ARMH4: variants seen among roughly 807,000 people sequenced by gnomAD.
ARMH4 encodes armadillo like helical domain containing 4.
Under a neutral mutation model 61.9 loss-of-function variants are expected in ARMH4, and 49 were observed. The ratio of observed to expected loss-of-function variants is 0.79; its 90% CI spans 0.63 to 1.00. ARMH4 has a LOEUF of 1.00. ARMH4 is among the 50% of genes least tolerant of loss of function. The probability of loss-of-function intolerance (pLI) is 0.00; values close to 1 mark genes in which losing one functional copy is unlikely to be tolerated. For synonymous variants in ARMH4, 368 were observed against 341.5 expected (o/e 1.08, Z -0.85); for missense variants, 934 against 930.0 (o/e 1.00, Z -0.06).
At position 58,060,037 on chromosome 14, in the gene ARMH4, T is replaced by G. The variant is rs1266851307; in HGVS notation, c.2089+36687A>C. Among the ~76,000 whole-genome samples the G allele has an allele frequency of 5.6e-4, 86 of 152,312 alleles. 1 individual carries two copies. The highest frequency in any genetic ancestry group is 1.0e-4 in the Non-Finnish European group (7 of 68,008). On this transcript the variant is annotated intron_variant, in intron 5 of 7. Coordinates refer to ENST00000267485, the MANE Select transcript of ARMH4 (RefSeq NM_001001872.4). ...GACAAACTAAAACACAAAACCACCCTAGAACCTGCAAAAAGGAGAAATGCT... is the reference window on the plus strand; with the variant it reads ...GACAAACTAAAACACAAAACCACCCGAGAACCTGCAAAAAGGAGAAATGCT...
At chr14:58,012,071 G>T in intron 6 of ARMH4, 48 bp downstream of exon 6, 1 of 1,294,004 alleles carries the variant, frequency 7.7e-7, no homozygotes, top group Non-Finnish European at 1.1e-6. Flanking sequence ...GCTTAATAAA[G>T]CTATATGCCC....
intron 5 of ARMH4, among the ~76,000 whole-genome samples, chr14:58,055,876 T>C (rs972603701): frequency 6.6e-6 from 1 of 152,246 alleles, no homozygotes; most frequent in Non-Finnish European, 1.5e-5. Context: ...AAAGTGAATC[T>C]CTAAGGGATT....
intron 4 of ARMH4, among the ~76,000 whole-genome samples, chr14:58,104,260 A>C (rs186344206): frequency 6.6e-6 from 1 of 152,330 alleles, no homozygotes; most frequent in East Asian, 1.9e-4. Context: ...TATACAATTT[A>C]TATTATGGGA....
At chr14:58,082,412 C>T (rs1453407923) in intron 5 of ARMH4, among the ~76,000 whole-genome samples, 1 of 152,196 alleles carries the variant, frequency 6.6e-6, no homozygotes, top group Non-Finnish European at 1.5e-5. Flanking sequence ...TCACTTTGCA[C>T]ACATAGATCT....
chr14:58,132,264 C>T (rs1422038669), intron 3 of ARMH4, among the ~76,000 whole-genome samples: 5 of 152,180 alleles, frequency 3.3e-5, no homozygotes, highest in Non-Finnish European at 7.3e-5. Context: ...GAGATCAGAG[C>T]ATTTGAGAGC....
At chr14:58,145,343 C>A (rs145456739) in intron 1 of ARMH4, among the ~76,000 whole-genome samples, 354 of 152,298 alleles carry the variant, frequency 2.3e-3, no homozygotes, top group African/African-American at 8.2e-3. Context: ...TGATTTTATT[C>A]TCATACCTCA....
At position 58,076,086 on chromosome 14, in the gene ARMH4, AGGAAG is replaced by A. The variant is rs1173142981; in HGVS notation, c.2089+20633_2089+20637del. Among the ~76,000 whole-genome samples the A allele has an allele frequency of 4.3e-4, 53 of 123,694 alleles. No homozygotes were observed. The East Asian group carries it at 0.013, about 30-fold the overall frequency. 81.1% of individuals were successfully genotyped at this position (123,694 alleles called of 152,430 possible). ...GGAAGAAGAAAGGAGGAGAAAGAGG[AGGAAG>A]GGGAGGGGAAGGGGGAGGGGGAAGG... On this transcript the variant is annotated intron_variant, in intron 5 of 7. Transcript: ENST00000267485.
At chr14:58,035,577 C>CA (rs1883449755) in intron 5 of ARMH4, among the ~76,000 whole-genome samples, 1 of 33,738 alleles carries the variant, frequency 3.0e-5, no homozygotes, top group African/African-American at 1.2e-4. Flanking sequence ...AATAGAGACA[C>CA]AAAAAACCCT....
intron 5 of ARMH4, among the ~76,000 whole-genome samples, chr14:58,038,629 T>A (rs1284831132): frequency 6.6e-6 from 1 of 151,870 alleles, no homozygotes; most frequent in East Asian, 1.9e-4. Context: ...GATACAATAG[T>A]AAATATGTCT....
At position 58,002,913 on chromosome 14, in the gene ARMH4, T is replaced by C. The variant is rs908667979; in HGVS notation, c.*1823A>G. ...GTTTCACATATTTGCTTACATCTCTTGGCAAAAAGAGTTAAAATTATTTGA... is the reference window on the plus strand; with the variant it reads ...GTTTCACATATTTGCTTACATCTCTCGGCAAAAAGAGTTAAAATTATTTGA... On this transcript the variant is annotated 3_prime_UTR_variant, in exon 8 of 8. Transcript: ENST00000267485. The C allele has an allele frequency of 2.6e-5, 4 of 152,174 alleles. No homozygotes were observed. The highest frequency in any genetic ancestry group is 2.0e-4 in the Admixed American group (3 of 15,274). The allele number at this position is 152,174 out of a possible 1,614,324, so 9.4% of individuals were successfully genotyped here.
chr14:58,141,573 G>GTGC, intron 1 of ARMH4: 1 of 501,308 alleles, frequency 2.0e-6, no homozygotes, highest in East Asian at 5.1e-5. Context: ...TCTGCTGCAA[G>GTGC]TGCTATGCTT....
intron 4 of ARMH4, among the ~76,000 whole-genome samples, chr14:58,122,579 T>C (rs1301532527): frequency 6.6e-6 from 1 of 152,058 alleles, no homozygotes; most frequent in Non-Finnish European, 1.5e-5. Context: ...CTTGGTTTTC[T>C]ATAATAGAGA....
chr14:58,131,408 A>G (rs1367358773), intron 4 of ARMH4, 104 bp downstream of exon 4: 2 of 904,886 alleles, frequency 2.2e-6, no homozygotes, highest in Non-Finnish European at 3.5e-6. Context: ...CCTCTGATCT[A>G]TACTGCAGAT....
At chr14:58,150,868 A>G (rs551920142) in intron 1 of ARMH4, among the ~76,000 whole-genome samples, 36 of 152,322 alleles carry the variant, frequency 2.4e-4, no homozygotes, top group Admixed American at 1.1e-3. Flanking sequence ...AATAGATGCT[A>G]CTGTGGGGTT....
intron 4 of ARMH4, among the ~76,000 whole-genome samples, chr14:58,130,813 A>G (rs960670642): frequency 6.6e-6 from 1 of 152,220 alleles, no homozygotes; most frequent in Non-Finnish European, 1.5e-5. Flanking sequence ...ATGCTGTTAA[A>G]ATACACCCCA....
chr14:58,026,918 T>C (rs1450889449), intron 5 of ARMH4, among the ~76,000 whole-genome samples: 1 of 152,020 alleles, frequency 6.6e-6, no homozygotes. Context: ...TTAGCTGGAG[T>C]TTCTGACATG....
intron 6 of ARMH4, among the ~76,000 whole-genome samples, chr14:58,007,389 T>G (rs1882218412): frequency 1.3e-5 from 2 of 152,248 alleles, no homozygotes; most frequent in African/African-American, 4.8e-5. Flanking sequence ...GTACTCATCA[T>G]GTACAACATG....
chr14:58,090,950 T>G (rs1451829428), intron 5 of ARMH4, among the ~76,000 whole-genome samples: 1 of 149,306 alleles, frequency 6.7e-6, no homozygotes, highest in Non-Finnish European at 1.5e-5. Context: ...GCACAGTAGC[T>G]CATGCCTGTA....
intron 5 of ARMH4, among the ~76,000 whole-genome samples, chr14:58,016,676 T>G (rs764222540): frequency 2.0e-5 from 3 of 152,212 alleles, no homozygotes; most frequent in Non-Finnish European, 2.9e-5. Context: ...TCCAGTTGGC[T>G]CACAGCTCAG....
Sources: allele counts gnomAD v4.1 joint callset (sites outside exome capture counted in the v4.1 genomes callset), GRCh38; gene constraint gnomAD v4.1.1; transcripts MANE v1.5; gene names NCBI Gene and HGNC (gene_info 2026-07-23, HGNC 2026-07-21).